SESN3: variants seen among roughly 807,000 people sequenced by gnomAD.
SESN3 encodes the protein sestrin 3, also known as sestrin-3.
SESN3 carries 21 observed loss-of-function variants against 55.3 expected under a neutral mutation model. That is an observed-to-expected ratio of 0.38 (90% CI 0.27 to 0.55). The LOEUF is 0.55. SESN3 is among the 20% of genes least tolerant of loss of function. The probability of loss-of-function intolerance (pLI) is 0.76; values close to 1 mark genes in which losing one functional copy is unlikely to be tolerated. For synonymous variants in SESN3, 181 were observed against 203.1 expected (o/e 0.89, Z 0.93); for missense variants, 408 against 604.3 (o/e 0.68, Z 3.41).
At chr11:95,217,028 C>T (rs1048364139) in intron 1 of SESN3, among the ~76,000 whole-genome samples, 4 of 151,888 alleles carry the variant, frequency 2.6e-5, no homozygotes, top group Non-Finnish European at 5.9e-5. Context: ...ATCGCTTGAA[C>T]CCTGGAGGTG....
At position 95,167,417 on chromosome 11, in the gene SESN3, G is replaced by C. The variant is rs146382796; in HGVS notation, c.*5838C>G. 1 of 151,758 alleles carries C rather than the reference G, an allele frequency of 6.6e-6. No homozygotes were observed. The highest frequency in any genetic ancestry group is 1.5e-5 in the Non-Finnish European group (1 of 68,008). 9.4% of individuals were successfully genotyped at this position (151,758 alleles called of 1,614,324 possible). ...GGCTATTTTGTGGTATGCCCTGCACGATCTCAAAGATTTCCACAAGCATTC... is the reference window on the plus strand; with the variant it reads ...GGCTATTTTGTGGTATGCCCTGCACCATCTCAAAGATTTCCACAAGCATTC... On this transcript the variant is annotated 3_prime_UTR_variant, in exon 10 of 10. Coordinates refer to ENST00000536441, the MANE Select transcript of SESN3 (RefSeq NM_144665.4).
chr11:95,217,046 C>T (rs1860771891), intron 1 of SESN3, among the ~76,000 whole-genome samples: 1 of 149,652 alleles, frequency 6.7e-6, no homozygotes, highest in African/African-American at 2.5e-5. Context: ...GTGGGGGTTG[C>T]AGTGAGCCAC....
At chr11:95,177,320 CA>C (rs953845990) in intron 8 of SESN3, among the ~76,000 whole-genome samples, 30 of 152,200 alleles carry the variant, frequency 2.0e-4, no homozygotes, top group African/African-American at 7.2e-4. Context: ...CCGTAATTAC[CA>C]TTCCTTAAAA....
At chr11:95,214,804 CAG>C (rs550825579) in intron 1 of SESN3, among the ~76,000 whole-genome samples, 71 of 152,124 alleles carry the variant, frequency 4.7e-4, no homozygotes, top group African/African-American at 1.6e-3. Flanking sequence ...AAAGACCTAC[CAG>C]AGTCTACCAA....
At chr11:95,189,094 A>G (rs1284663483) in intron 4 of SESN3, among the ~76,000 whole-genome samples, 1 of 151,942 alleles carries the variant, frequency 6.6e-6, no homozygotes, top group Admixed American at 6.6e-5. Flanking sequence ...AGATATTTTA[A>G]ATAACAAAGG....
upstream of SESN3, chr11:95,231,768 A>G (rs960476444): frequency 3.9e-5 from 6 of 152,242 alleles, no homozygotes; most frequent in African/African-American, 1.4e-4. Flanking sequence ...GTTATGTAGT[A>G]CTTTGTATCC....
Position 95,184,580 on chromosome 11 carries a change from T to G in SESN3, c.777A>C (p.Leu259=). The change falls in exon 6 of 10, where the codon CTA becomes CTC. Residue 259 remains leucine, a synonymous_variant. Transcript: ENST00000536441. ...SGSNFGIVDS[L]SELEALMERM... ...TTTCCATTAAGGCCTCTAGCTCACT[T>G]AGAGAATCCACAATCTGGAAACAGA... is the stretch of plus-strand genomic sequence containing the variant. 6.2e-7 allele frequency: 1 copy of G among 1,612,526 alleles called. No individual in the cohort carries two copies.
chr11:95,214,903 C>T (rs375165514), intron 1 of SESN3, among the ~76,000 whole-genome samples: 5 of 152,114 alleles, frequency 3.3e-5, no homozygotes, highest in African/African-American at 9.7e-5. Flanking sequence ...GCTTTCAAAA[C>T]CCAATTCCTT....
intron 1 of SESN3, among the ~76,000 whole-genome samples, chr11:95,207,500 C>T (rs966473550): frequency 1.3e-5 from 2 of 151,500 alleles, no homozygotes; most frequent in African/African-American, 2.4e-5. Context: ...TTTGCATTAA[C>T]ATTCTATGGT....
Position 95,178,804 on chromosome 11 carries a change from G to A in SESN3, c.962C>T (p.Thr321Ile), listed in dbSNP as rs1332854607. Residue 321 changes from threonine to isoleucine, a missense_variant, in exon 7 of 10, where the codon ACA (threonine) becomes ATA (isoleucine). Physicochemically the swap from Thr to Ile is moderately conservative, Grantham distance 89. Transcript: ENST00000536441. ...HSDFEDDMII[T>I]SDVSRYIEDP... Reference sequence around the variant, plus strand: ...TTCAATATATCGAGAGACATCAGATGTTATAATCATGTCATCCTCAAAATC... The same window carrying A: ...TTCAATATATCGAGAGACATCAGATATTATAATCATGTCATCCTCAAAATC... 2 of 1,604,862 alleles carry A rather than the reference G, an allele frequency of 1.2e-6. No individual in the cohort carries two copies. The highest frequency in any genetic ancestry group is 1.7e-6 in the Non-Finnish European group (2 of 1,171,938).
At chr11:95,182,766 C>G (rs979571641) in intron 6 of SESN3, among the ~76,000 whole-genome samples, 21 of 152,188 alleles carry the variant, frequency 1.4e-4, no homozygotes, top group Admixed American at 7.2e-4. Context: ...CCAGATTTCT[C>G]TTTACACTAC....
intron 7 of SESN3, among the ~76,000 whole-genome samples, chr11:95,178,161 A>G (rs1859993528): frequency 6.6e-6 from 1 of 152,188 alleles, no homozygotes; most frequent in African/African-American, 2.4e-5. Flanking sequence ...CTCAGGTACT[A>G]CGCACACTAT....
Position 95,168,608 on chromosome 11 carries a change from T to A in SESN3, c.*4647A>T, listed in dbSNP as rs1859794412. ...CAGCAGGGAAAAGGGTAGAACAGAA[T>A]AGGGTGACACAATTTACACTTGATA... is the stretch of plus-strand genomic sequence containing the variant. On this transcript the variant is annotated 3_prime_UTR_variant, in exon 10 of 10. Coordinates refer to ENST00000536441, the MANE Select transcript of SESN3 (RefSeq NM_144665.4). 1 of 152,116 alleles carries A rather than the reference T, an allele frequency of 6.6e-6. No individual in the cohort carries two copies. The highest frequency in any genetic ancestry group is 1.5e-5 in the Non-Finnish European group (1 of 68,044). The allele number at this position is 152,116 out of a possible 1,614,324, so 9.4% of individuals were successfully genotyped here.
intron 6 of SESN3, 62 bp from the exon 7 acceptor site, chr11:95,178,890 G>A (rs570526991): frequency 1.9e-5 from 17 of 916,930 alleles, no homozygotes; most frequent in African/African-American, 4.9e-5. Flanking sequence ...ACAATAAAAC[G>A]GAACTCCATT....
intron 6 of SESN3, among the ~76,000 whole-genome samples, chr11:95,180,269 C>T (rs11603210): frequency 0.012 from 1,761 of 152,090 alleles, 11 homozygotes; most frequent in South Asian, 0.025. Context: ...ACTTAAAAAA[C>T]AAGTGTAATT....
chr11:95,202,807 TC>T (rs1274619695), intron 1 of SESN3, among the ~76,000 whole-genome samples: 1 of 151,964 alleles, frequency 6.6e-6, no homozygotes, highest in Non-Finnish European at 1.5e-5. Context: ...TAAGATCTGG[TC>T]CCAAAAAAGT....
chr11:95,166,517 A>G lies in SESN3; in HGVS notation c.*6738T>C, dbSNP rs1182271190. ...TCATGTGCAATTCAGCTACAGTCTT[A>G]ATATATACATTCATTATGTAGCTGT... On this transcript the variant is annotated 3_prime_UTR_variant, in exon 10 of 10. Transcript: ENST00000536441. 6.6e-6 allele frequency: 1 copy of G among 152,246 alleles called. No individual in the cohort carries two copies. Among genetic ancestry groups the G allele is most frequent in the Non-Finnish European group, 1.5e-5 (1 of 68,034 alleles). The allele number at this position is 152,246 out of a possible 1,614,324, so 9.4% of individuals were successfully genotyped here. A position where few individuals can be genotyped will look rare whatever the true frequency, so the allele number is the denominator to read the frequency against.
intron 4 of SESN3, among the ~76,000 whole-genome samples, chr11:95,189,415 C>T (rs1425339148): frequency 6.6e-6 from 1 of 151,936 alleles, no homozygotes; most frequent in Non-Finnish European, 1.5e-5. Flanking sequence ...ATCTAGCTCC[C>T]TCATTCCGTA....
intron 9 of SESN3, 135 bp downstream of exon 9, chr11:95,175,363 C>T (rs186074001): frequency 1.3e-6 from 1 of 746,902 alleles, no homozygotes; most frequent in East Asian, 2.8e-5. Context: ...CAAAAAAACC[C>T]CAGATAGCTA....
Sources: allele counts gnomAD v4.1 joint callset (sites outside exome capture counted in the v4.1 genomes callset), GRCh38; gene constraint gnomAD v4.1.1; transcripts MANE v1.5; gene names NCBI Gene and HGNC (gene_info 2026-07-23, HGNC 2026-07-21).